Variants in RNGTT observed in about 807,000 individuals in gnomAD.
RNGTT encodes mRNA-capping enzyme.
Under a neutral mutation model 79.3 loss-of-function variants are expected in RNGTT, and 33 were observed. The observed-to-expected ratio is 0.42, with a 90% CI of 0.32 to 0.56. The LOEUF is 0.56. Among genes scored for constraint, RNGTT ranks in the 20% least tolerant of loss-of-function variants. The pLI is 0.17. For missense variants in RNGTT, 497 were observed against 739.1 expected (o/e 0.67, Z 3.80); for synonymous variants, 222 against 235.9 (o/e 0.94, Z 0.54).
chr6:88,914,621 A>C (rs1783939523), intron 4 of RNGTT, among the ~76,000 whole-genome samples: 2 of 152,152 alleles, frequency 1.3e-5, no homozygotes, highest in South Asian at 4.1e-4. Flanking sequence ...ATTTATCACC[A>C]TATACAAAAA....
At chr6:88,702,484 T>A (rs931191765) in intron 13 of RNGTT, among the ~76,000 whole-genome samples, 1 of 152,148 alleles carries the variant, frequency 6.6e-6, no homozygotes, top group Non-Finnish European at 1.5e-5. Context: ...CAATATATTG[T>A]CCTGGGATAG....
At chr6:88,826,788 G>GAAAA (rs1189448559) in intron 11 of RNGTT, among the ~76,000 whole-genome samples, 22 of 69,744 alleles carry the variant, frequency 3.2e-4, no homozygotes, top group African/African-American at 1.4e-3. Context: ...TGTCTCAAAA[G>GAAAA]AAAAAAAAAA....
At chr6:88,683,094 T>C (rs1357794638) in intron 13 of RNGTT, among the ~76,000 whole-genome samples, 2 of 152,036 alleles carry the variant, frequency 1.3e-5, no homozygotes, top group Admixed American at 1.3e-4. Context: ...AAAATGACAG[T>C]AACTGAAACC....
chr6:88,719,316 T>C (rs969617978), intron 13 of RNGTT, among the ~76,000 whole-genome samples: 1 of 152,228 alleles, frequency 6.6e-6, no homozygotes, highest in Non-Finnish European at 1.5e-5. Context: ...TCACTTGGAA[T>C]TCAGTTATCT....
intron 11 of RNGTT, among the ~76,000 whole-genome samples, chr6:88,840,545 T>G (rs1467253731): frequency 2.0e-5 from 3 of 152,130 alleles, no homozygotes; most frequent in Non-Finnish European, 4.4e-5. Context: ...TACAGGCATG[T>G]GCCACCATGC....
At chr6:88,701,398 T>C (rs1358018683) in intron 13 of RNGTT, among the ~76,000 whole-genome samples, 1 of 152,094 alleles carries the variant, frequency 6.6e-6, no homozygotes, top group Non-Finnish European at 1.5e-5. Context: ...ATGGTCTAAA[T>C]GGCAGCCCTG....
At chr6:88,946,399 C>T (rs1406898307) in intron 1 of RNGTT, among the ~76,000 whole-genome samples, 1 of 151,822 alleles carries the variant, frequency 6.6e-6, no homozygotes, top group African/African-American at 2.4e-5. Context: ...CTGGAGCCTC[C>T]CTATTTCCTG....
chr6:88,942,342 A>AT lies in RNGTT; in HGVS notation c.65-1163dup, dbSNP rs1047442569. On this transcript the variant is annotated intron_variant, in intron 1 of 15. Transcript: ENST00000369485. ...GCATAGAGGAAGTCACCTCTAACCA[A>AT]TTTTTTTAACATCTATTTTAACTGA... is the stretch of plus-strand genomic sequence containing the variant. Among the ~76,000 whole-genome samples the AT allele has an allele frequency of 2.6e-5, 4 of 152,026 alleles. No individual in the cohort carries two copies. In the East Asian group the frequency reaches 5.8e-4, roughly 22 times the overall value.
chr6:88,744,959 T>A (rs553196895), intron 13 of RNGTT, among the ~76,000 whole-genome samples: 1 of 152,206 alleles, frequency 6.6e-6, no homozygotes, highest in East Asian at 1.9e-4. Flanking sequence ...TTTCTAAGTA[T>A]ATATAGTTCT....
intron 12 of RNGTT, among the ~76,000 whole-genome samples, chr6:88,796,280 G>A (rs1779598910): frequency 6.6e-6 from 1 of 151,958 alleles, no homozygotes; most frequent in African/African-American, 2.4e-5. Flanking sequence ...TCATATTTGT[G>A]TTACATGTTA....
In RNGTT at chr6:88,891,922, A is replaced by G. The variant is rs1253656894; in HGVS notation, c.685-7T>C. 3.9e-6 allele frequency: 6 copies of G among 1,529,730 alleles called. No individual in the cohort carries two copies. The East Asian group carries it at 7.0e-5, about 18-fold the overall frequency. 94.8% of individuals were successfully genotyped at this position (1,529,730 alleles called of 1,614,324 possible). A position where few individuals can be genotyped will look rare whatever the true frequency, so the allele number is the denominator to read the frequency against. ...CTTCCAAGAAAATAGCGCCCTTTAA[A>G]AAAAAAATAAGAAAAATAAGGGAAA... On this transcript the variant is annotated splice_region_variant and splice_polypyrimidine_tract_variant and intron_variant, in intron 6 of 15. Coordinates refer to ENST00000369485, the MANE Select transcript of RNGTT (RefSeq NM_003800.5).
At chr6:88,946,139 G>C (rs554324085) in intron 1 of RNGTT, among the ~76,000 whole-genome samples, 1 of 152,270 alleles carries the variant, frequency 6.6e-6, no homozygotes, top group East Asian at 1.9e-4. Context: ...AGTCTATCAA[G>C]TAATTTATCC....
intron 11 of RNGTT, among the ~76,000 whole-genome samples, chr6:88,804,994 T>C (rs570335518): frequency 7.9e-5 from 12 of 152,362 alleles, no homozygotes; most frequent in South Asian, 4.1e-4. Context: ...TCTTTGAAGA[T>C]ACCTTTAAAA....
In RNGTT at chr6:88,698,269, G is replaced by GATATATATTTCATATATATATGAT. The variant is rs1562202344; in HGVS notation, c.1440-19851_1440-19850insATCATATATATATGAAATATATAT. Reference sequence around the variant, plus strand: ...ATGAAATATATATATAAATATATATGATATATATATTTCATATATATCATA... The same window carrying GATATATATTTCATATATATATGAT: ...ATGAAATATATATATAAATATATATGATATATATTTCATATATATATGATATATATATATTTCATATATATCATA... On this transcript the variant is annotated intron_variant, in intron 13 of 15. Transcript: ENST00000369485. 9.1e-5 allele frequency among the ~76,000 whole-genome samples: 7 copies of GATATATATTTCATATATATATGAT among 77,150 alleles called. 1 individual carries two copies. In the African/African-American group the frequency reaches 1.0e-3, roughly 11 times the overall value. The allele number at this position is 77,150 out of a possible 152,430, so 50.6% of individuals were successfully genotyped here.
chr6:88,799,592 C>T (rs1252736979), intron 12 of RNGTT, among the ~76,000 whole-genome samples: 3 of 149,854 alleles, frequency 2.0e-5, no homozygotes, highest in African/African-American at 7.4e-5. Context: ...CCCAGCTACT[C>T]AGGAGGCTGA....
At chr6:88,894,922 A>T (rs768113789) in intron 6 of RNGTT, among the ~76,000 whole-genome samples, 1 of 152,092 alleles carries the variant, frequency 6.6e-6, no homozygotes, top group Non-Finnish European at 1.5e-5. Context: ...TAAAAAATAA[A>T]TAATTAATTT....
intron 11 of RNGTT, among the ~76,000 whole-genome samples, chr6:88,831,183 A>G (rs947180865): frequency 1.3e-5 from 2 of 152,162 alleles, no homozygotes; most frequent in African/African-American, 4.8e-5. Context: ...AGATGCAAAA[A>G]TCCCCAATAA....
chr6:88,708,237 T>G (rs1776205513), intron 13 of RNGTT, among the ~76,000 whole-genome samples: 1 of 152,110 alleles, frequency 6.6e-6, no homozygotes, highest in Non-Finnish European at 1.5e-5. Context: ...AAGGGCTCTC[T>G]TTTCCATGCC....
intron 14 of RNGTT, among the ~76,000 whole-genome samples, chr6:88,652,290 T>C (rs916951546): frequency 9.8e-5 from 15 of 152,334 alleles, no homozygotes; most frequent in Middle Eastern, 3.4e-3. Context: ...CCAAATCTCA[T>C]ACTTCATTGC....
Sources: gnomAD v4.1 joint callset for allele counts (sites outside exome capture counted in the v4.1 genomes callset) on GRCh38, gnomAD v4.1.1 for gene constraint, MANE v1.5 for transcripts, NCBI Gene and HGNC (gene_info 2026-07-23, HGNC 2026-07-21) for gene names.